Variants in NRXN1 observed in about 807,000 individuals in gnomAD.
NRXN1 encodes the protein neurexin-1.
Under a neutral mutation model 150.9 loss-of-function variants are expected in NRXN1, and 39 were observed. The ratio of observed to expected loss-of-function variants is 0.26; its 90% confidence interval spans 0.20 to 0.34. The LOEUF (loss-of-function observed/expected upper bound fraction) is 0.34, where lower values mean the gene tolerates loss of function less well. Among genes scored for constraint, NRXN1 ranks in the 10% least tolerant of loss-of-function variants. NRXN1 has a pLI of 1.00. For synonymous variants in NRXN1, 924 were observed against 757.0 expected, an observed-to-expected ratio of 1.22 and a Z score of -3.62; for missense variants, 1,815 against 1,949.9, an observed-to-expected ratio of 0.93 and a Z score of 1.30.
chr2:50,517,973 A>G (rs979216419), intron 12 of NRXN1, among the ~76,000 whole-genome samples: 3 of 152,150 alleles, frequency 2.0e-5, no homozygotes, highest in East Asian at 3.8e-4. Context: ...ATCATTGCCT[A>G]TGCAAACGAA....
At chr2:50,307,846 AG>A (rs1373832045) in intron 17 of NRXN1, among the ~76,000 whole-genome samples, 5 of 152,336 alleles carry the variant, frequency 3.3e-5, no homozygotes, top group East Asian at 1.9e-4. Context: ...CTAGAAAAAA[AG>A]AAACAGAAAT....
chr2:50,065,818 T>A (rs1310690017), intron 19 of NRXN1, among the ~76,000 whole-genome samples: 1 of 152,070 alleles, frequency 6.6e-6, no homozygotes, highest in Non-Finnish European at 1.5e-5. Context: ...ACGTTGAACC[T>A]CTCCAGAAAC....
intron 5 of NRXN1, among the ~76,000 whole-genome samples, chr2:50,760,260 A>G (rs1235761344): frequency 1.3e-5 from 2 of 151,904 alleles, no homozygotes; most frequent in African/African-American, 2.4e-5. Flanking sequence ...CATCAGTATA[A>G]GAGTCTACAG....
intron 5 of NRXN1, among the ~76,000 whole-genome samples, chr2:50,680,320 T>C (rs1427357462): frequency 6.6e-6 from 1 of 152,084 alleles, no homozygotes; most frequent in Non-Finnish European, 1.5e-5. Flanking sequence ...ATCGAATTTA[T>C]TACCCAAGCC....
chr2:50,683,646 A>AAAAAAAATATATATATAT lies in NRXN1; in HGVS notation c.833-60032_833-60031insATATATATATATTTTTTT. Among the ~76,000 whole-genome samples, 15 of 14,900 alleles carry AAAAAAAATATATATATAT rather than the reference A, an allele frequency of 1.0e-3. 2 individuals carry two copies. The highest frequency in any genetic ancestry group is 1.4e-3 in the Non-Finnish European group (13 of 9,194). 9.8% of individuals were successfully genotyped at this position (14,900 alleles called of 152,430 possible). On this transcript the variant is annotated intron_variant, in intron 5 of 22. Coordinates refer to ENST00000401669, the MANE Select transcript of NRXN1 (RefSeq NM_001330078.2). ...GACTCCGTCTCAAAAAAAAAAAAAAAATATATATATATATATATATGTTAT... is the reference window on the plus strand; with the variant it reads ...GACTCCGTCTCAAAAAAAAAAAAAAAAAAAAAATATATATATATATATATATATATATATATATGTTAT...
At chr2:50,126,615 G>T (rs1704625106) in intron 18 of NRXN1, among the ~76,000 whole-genome samples, 2 of 152,060 alleles carry the variant, frequency 1.3e-5, no homozygotes, top group South Asian at 4.1e-4. Context: ...GCCTACGTCA[G>T]AAAATACTTG....
At chr2:50,360,794 A>G (rs1424981671) in intron 17 of NRXN1, among the ~76,000 whole-genome samples, 7 of 152,144 alleles carry the variant, frequency 4.6e-5, no homozygotes, top group Admixed American at 4.6e-4. Context: ...CTCCACCCCA[A>G]ATCAACAGAA....
In NRXN1 at chr2:50,465,470, A is replaced by G; in HGVS notation, c.3336T>C (p.Thr1112=). ...WDGFSCDCSM[T]SFSGPLCNDP... is the part of the protein sequence containing the mutation. ...CATTGCAGAGTGGTCCACTGAAGGA[A>G]GTCATACTACAGTCACAGCTGAAGC... The change falls in exon 17 of 23, where the codon ACT becomes ACC. Residue 1112 remains threonine, a synonymous_variant. Transcript: ENST00000401669. 6.2e-7 allele frequency: 1 copy of G among 1,610,434 alleles called. No homozygotes were observed. Among genetic ancestry groups the G allele is most frequent in the Non-Finnish European group, 8.5e-7 (1 of 1,177,884 alleles).
rs957854037 is a variant in NRXN1 at position 50,708,605 on chromosome 2, C to A, written c.833-84990G>T. On this transcript the variant is annotated intron_variant, in intron 5 of 22. Coordinates refer to ENST00000401669, the MANE Select transcript of NRXN1 (RefSeq NM_001330078.2). ...CAACAGGCAGGGTACCTAAGTTACA[C>A]AGAGGGAAGACTTATTTTCCCATAA... Among the ~76,000 whole-genome samples, 4 of 152,096 alleles carry A rather than the reference C, an allele frequency of 2.6e-5. No individual in the cohort carries two copies. In the East Asian group the frequency reaches 7.7e-4, roughly 29 times the overall value.
intron 17 of NRXN1, among the ~76,000 whole-genome samples, chr2:50,464,760 A>C (rs1520456): frequency 6.6e-6 from 1 of 151,710 alleles, no homozygotes; most frequent in South Asian, 2.1e-4. Flanking sequence ...AGGACCTATT[A>C]GAACATTAAG....
chr2:50,808,240 C>T (rs1667763222), intron 5 of NRXN1, among the ~76,000 whole-genome samples: 1 of 152,026 alleles, frequency 6.6e-6, no homozygotes, highest in Admixed American at 6.6e-5. Context: ...ACCAATTTGA[C>T]ATCATGTTAT....
At chr2:50,911,750 G>A (rs943881514) in intron 5 of NRXN1, among the ~76,000 whole-genome samples, 2 of 151,832 alleles carry the variant, frequency 1.3e-5, no homozygotes, top group African/African-American at 4.8e-5. Context: ...CCATAGGTGG[G>A]CATTACATAC....
intron 5 of NRXN1, among the ~76,000 whole-genome samples, chr2:50,641,136 CA>C (rs915432019): frequency 3.3e-5 from 5 of 152,000 alleles, no homozygotes; most frequent in Non-Finnish European, 5.9e-5. Context: ...AGAAAAGGTA[CA>C]AAAAATGGTT....
At chr2:50,773,081 A>G (rs2105461750) in intron 5 of NRXN1, among the ~76,000 whole-genome samples, 1 of 152,234 alleles carries the variant, frequency 6.6e-6, no homozygotes, top group African/African-American at 2.4e-5. Context: ...TCATACAACT[A>G]CTTTACCTAC....
At chr2:50,139,541 A>G (rs528617746) in intron 18 of NRXN1, among the ~76,000 whole-genome samples, 16 of 152,276 alleles carry the variant, frequency 1.1e-4, no homozygotes, top group Admixed American at 9.8e-4. Context: ...ATTCTTTTCA[A>G]TGTCCCAGCA....
At chr2:50,829,470 AG>A (rs1322694878) in intron 5 of NRXN1, 15 of 1,562,634 alleles carry the variant, frequency 9.6e-6, no homozygotes, top group African/African-American at 1.4e-5. Flanking sequence ...TGACAGCAGG[AG>A]GGAGCCTATA....
chr2:50,467,840 A>C (rs1394646099), intron 16 of NRXN1, among the ~76,000 whole-genome samples: 1 of 151,590 alleles, frequency 6.6e-6, no homozygotes, highest in Non-Finnish European at 1.5e-5. Flanking sequence ...AAGAACTAAC[A>C]AAGAACTAAG....
At chr2:50,163,157 C>G (rs2152789440) in intron 18 of NRXN1, among the ~76,000 whole-genome samples, 1 of 81,366 alleles carries the variant, frequency 1.2e-5, no homozygotes, top group East Asian at 3.1e-4. Context: ...ATCTATCAAT[C>G]CAAAATGTAT....
At chr2:50,224,056 TTTG>T (rs1261939704) in intron 18 of NRXN1, among the ~76,000 whole-genome samples, 1 of 151,970 alleles carries the variant, frequency 6.6e-6, no homozygotes, top group African/African-American at 2.4e-5. Flanking sequence ...GTCATCACAC[TTTG>T]TTGTTATTTA....
Sources: gnomAD v4.1 joint callset for allele counts (sites outside exome capture counted in the v4.1 genomes callset) on GRCh38, gnomAD v4.1.1 for gene constraint, MANE v1.5 for transcripts, NCBI Gene and HGNC (gene_info 2026-07-23, HGNC 2026-07-21) for gene names.